Variants in CSMD1 observed in about 807,000 individuals in gnomAD.
The protein encoded by CSMD1 is CUB and Sushi multiple domains 1.
CSMD1 carries 213 observed loss-of-function variants against 417.5 expected under a neutral mutation model. The observed-to-expected ratio is 0.51, with a 90% confidence interval of 0.46 to 0.57. The LOEUF (loss-of-function observed/expected upper bound fraction) is 0.57, where lower values mean the gene tolerates loss of function less well. Ranked by LOEUF, CSMD1 falls within the 20% of genes least tolerant of loss-of-function variation. CSMD1 has a pLI of 0.00. For missense variants in CSMD1, 6,923 were observed against 4,529.7 expected, an observed-to-expected ratio of 1.53 and a Z score of -15.17; for synonymous variants, 2,862 against 1,736.8, an observed-to-expected ratio of 1.65 and a Z score of -16.11.
intron 3 of CSMD1, among the ~76,000 whole-genome samples, chr8:4,184,460 C>G (rs1019184045): frequency 6.6e-6 from 1 of 152,100 alleles, no homozygotes; most frequent in African/African-American, 2.4e-5. Flanking sequence ...TGAAATCAAC[C>G]TCAAAGGCCA....
rs1332344860 is a variant in CSMD1 at position 4,119,901 on chromosome 8, T to C, written c.416-87802A>G. 2.6e-5 allele frequency among the ~76,000 whole-genome samples: 4 copies of C among 152,186 alleles called. 1 individual carries two copies. The highest frequency in any genetic ancestry group is 2.0e-4 in the Admixed American group (3 of 15,276). On this transcript the variant is annotated intron_variant, in intron 3 of 69. Coordinates refer to ENST00000635120, the MANE Select transcript of CSMD1 (RefSeq NM_033225.6). ...AAAGTACAGGACAGTTGCCGGAGTC[T>C]GGTAAGGGTAGTGGGAGGGTGAGAG...
chr8:4,449,533 A>C lies in CSMD1; in HGVS notation c.303-29468T>G, dbSNP rs566878518. Among the ~76,000 whole-genome samples, 3 of 152,322 alleles carry C rather than the reference A, an allele frequency of 2.0e-5. No individual in the cohort carries two copies. In the South Asian group the frequency reaches 6.2e-4, roughly 32 times the overall value. ...TTTTTGTCTTTAGGCTGTGTCTGTG[A>C]GTCACAGGAAGTTGGATCCCAATGG... On this transcript the variant is annotated intron_variant, in intron 2 of 69. Coordinates refer to ENST00000635120, the MANE Select transcript of CSMD1 (RefSeq NM_033225.6).
At chr8:4,020,667 A>G (rs778486625) in intron 4 of CSMD1, among the ~76,000 whole-genome samples, 3 of 152,234 alleles carry the variant, frequency 2.0e-5, no homozygotes, top group Non-Finnish European at 4.4e-5. Flanking sequence ...TCCAGGACAG[A>G]TAACAAAGCT....
intron 3 of CSMD1, among the ~76,000 whole-genome samples, chr8:4,078,300 G>C (rs554737746): frequency 2.0e-5 from 3 of 147,386 alleles, no homozygotes; most frequent in South Asian, 4.3e-4. Context: ...ATAATGATGA[G>C]TTTGATATCC....
intron 4 of CSMD1, among the ~76,000 whole-genome samples, chr8:4,008,396 A>C (rs1395545855): frequency 6.6e-6 from 1 of 151,786 alleles, no homozygotes; most frequent in Admixed American, 6.6e-5. Flanking sequence ...GTTTTCAGAC[A>C]CTAATATGTA....
At chr8:4,354,652 T>A (rs1314948927) in intron 3 of CSMD1, among the ~76,000 whole-genome samples, 2 of 152,044 alleles carry the variant, frequency 1.3e-5, no homozygotes, top group Non-Finnish European at 1.5e-5. Flanking sequence ...CACATGAACA[T>A]CTATGCAGAA....
intron 3 of CSMD1, among the ~76,000 whole-genome samples, chr8:4,324,681 A>C (rs578225140): frequency 6.6e-6 from 1 of 152,346 alleles, no homozygotes; most frequent in South Asian, 2.1e-4. Context: ...AGAGGATATA[A>C]GGGCAAAATC....
intron 3 of CSMD1, among the ~76,000 whole-genome samples, chr8:4,051,753 G>C (rs140349540): frequency 3.2e-4 from 48 of 152,280 alleles, no homozygotes; most frequent in African/African-American, 1.1e-3. Context: ...AAACACCACT[G>C]CTGGTTTTGG....
At chr8:4,291,808 C>A (rs867169370) in intron 3 of CSMD1, among the ~76,000 whole-genome samples, 1 of 152,182 alleles carries the variant, frequency 6.6e-6, no homozygotes, top group Non-Finnish European at 1.5e-5. Context: ...ATATCTGGTT[C>A]TGAAATGTCA....
At chr8:3,355,875 G>A (rs1372495408) in intron 21 of CSMD1, among the ~76,000 whole-genome samples, 2 of 152,286 alleles carry the variant, frequency 1.3e-5, no homozygotes, top group Middle Eastern at 3.4e-3. Flanking sequence ...TAATGCACAT[G>A]CCAACAGGTG....
At chr8:4,646,920 T>C (rs541018212) in intron 1 of CSMD1, among the ~76,000 whole-genome samples, 12 of 152,258 alleles carry the variant, frequency 7.9e-5, no homozygotes, top group African/African-American at 2.6e-4. Flanking sequence ...CTCATCAAAA[T>C]TAGTACACAC....
chr8:4,436,037 C>T (rs1189044017), intron 2 of CSMD1, among the ~76,000 whole-genome samples: 1 of 152,104 alleles, frequency 6.6e-6, no homozygotes, highest in Non-Finnish European at 1.5e-5. Context: ...AAATATAAGA[C>T]CCAATCAAGA....
intron 3 of CSMD1, among the ~76,000 whole-genome samples, chr8:4,282,871 T>A (rs1169223805): frequency 6.6e-6 from 1 of 152,196 alleles, no homozygotes; most frequent in Non-Finnish European, 1.5e-5. Flanking sequence ...CTAAAGATCA[T>A]AATTATATTT....
At chr8:4,594,972 C>G (rs146344422) in intron 2 of CSMD1, among the ~76,000 whole-genome samples, 7 of 152,192 alleles carry the variant, frequency 4.6e-5, no homozygotes, top group Non-Finnish European at 7.4e-5. Flanking sequence ...ATACTTGATG[C>G]CAAAGAAATG....
intron 5 of CSMD1, among the ~76,000 whole-genome samples, chr8:3,845,148 G>A (rs1803413341): frequency 6.6e-6 from 1 of 152,182 alleles, no homozygotes; most frequent in African/African-American, 2.4e-5. Context: ...TGAATTGAAG[G>A]CAGGAAGACA....
chr8:3,652,376 C>A (rs540548111), intron 7 of CSMD1, among the ~76,000 whole-genome samples: 1 of 152,198 alleles, frequency 6.6e-6, no homozygotes, highest in African/African-American at 2.4e-5. Context: ...ACCATCAGAG[C>A]GCTTAGCACC....
chr8:3,359,730 T>C (rs540709186), intron 20 of CSMD1, among the ~76,000 whole-genome samples: 2 of 152,226 alleles, frequency 1.3e-5, no homozygotes, highest in African/African-American at 4.8e-5. Context: ...CATTTCAAAA[T>C]AGCTCAAAGG....
intron 1 of CSMD1, among the ~76,000 whole-genome samples, chr8:4,904,360 G>A (rs1258630173): frequency 6.6e-6 from 1 of 152,190 alleles, no homozygotes; most frequent in East Asian, 1.9e-4. Flanking sequence ...CAGCATGCAA[G>A]AAGGTTGGGT....
intron 54 of CSMD1, among the ~76,000 whole-genome samples, chr8:2,981,124 A>G (rs2128939445): frequency 6.6e-6 from 1 of 152,360 alleles, no homozygotes; most frequent in African/African-American, 2.4e-5. Context: ...AAAACAGGGC[A>G]GGAATAATTT....
Sources: allele counts gnomAD v4.1 joint callset (sites outside exome capture counted in the v4.1 genomes callset), GRCh38; gene constraint gnomAD v4.1.1; transcripts MANE v1.5; gene names NCBI Gene and HGNC (gene_info 2026-07-23, HGNC 2026-07-21).